TNC: variants seen among roughly 807,000 people sequenced by gnomAD.
The protein encoded by TNC is tenascin.
A neutral mutation model predicts 202.4 loss-of-function variants in TNC; 109 were observed. The observed-to-expected ratio is 0.54, with a 90% confidence interval of 0.46 to 0.63. TNC has a LOEUF of 0.63. Ranked by LOEUF, TNC falls within the 30% of genes least tolerant of loss-of-function variation. The pLI is 0.00. For synonymous variants in TNC, 1,007 were observed against 1,089.7 expected (o/e 0.92, Z 1.50); for missense variants, 2,756 against 2,833.3 (o/e 0.97, Z 0.62).
chr9:115,072,854 C>A (rs1198750166), intron 10 of TNC, among the ~76,000 whole-genome samples: 1 of 152,080 alleles, frequency 6.6e-6, no homozygotes, highest in Non-Finnish European at 1.5e-5. Flanking sequence ...ATTTGGTGGC[C>A]AAAATTGAAT....
chr9:115,086,905 C>T lies in TNC; in HGVS notation c.826G>A (p.Gly276Ser). 2 of 1,614,138 alleles carry T rather than the reference C, an allele frequency of 1.2e-6. No individual in the cohort carries two copies. Among genetic ancestry groups the T allele is most frequent in the Non-Finnish European group, 1.7e-6 (2 of 1,180,048 alleles). Residue 276 changes from glycine (G) to serine (S), a missense_variant, in exon 3 of 28, where the codon GGC (glycine) becomes AGC (serine). Coordinates refer to ENST00000350763, the MANE Select transcript of TNC (RefSeq NM_002160.4). ...CACAGAGGCTTGTTGCAGTCATCGC[C>T]TGCAAAGCCATCGTGGCACACACAC... ...GLCVCHDGFA[G>S]DDCNKPLCLN...
intron 15 of TNC, chr9:115,052,655 A>G: frequency 1.6e-6 from 1 of 625,668 alleles, no homozygotes; most frequent in Non-Finnish European, 2.9e-6. Flanking sequence ...TGCAGTGAAG[A>G]TTGTATTTTT....
chr9:115,038,595 A>T (rs1230621938), intron 19 of TNC, among the ~76,000 whole-genome samples: 1 of 152,192 alleles, frequency 6.6e-6, no homozygotes, highest in Non-Finnish European at 1.5e-5. Context: ...CTATATCCTC[A>T]TGTGTAAAAT....
chr9:115,084,131 G>A (rs1012355232), intron 4 of TNC, 78 bp downstream of exon 4: 9 of 1,468,622 alleles, frequency 6.1e-6, no homozygotes, highest in South Asian at 2.6e-5. Context: ...AGGATTGTAG[G>A]GGCCGTGGCG....
Position 115,036,122 on chromosome 9 carries a change from T to C in TNC, c.5632A>G (p.Thr1878Ala). 1 of 1,614,204 alleles carries C rather than the reference T, an allele frequency of 6.2e-7. No homozygotes were observed. Among genetic ancestry groups the C allele is most frequent in the Non-Finnish European group, 8.5e-7 (1 of 1,180,014 alleles). Reference protein sequence around the residue: ...FAEKGPQKSSTITAKFTTDLD... With the variant: ...FAEKGPQKSSAITAKFTTDLD... ...CCTGTTGTGAACTTGGCAGTGATGG[T>C]TGAGCTCTTCTGGGGCCCTTTCTCT... Residue 1878 changes from threonine to alanine, a missense_variant, in exon 21 of 28, where the codon ACC becomes GCC. Physicochemically the swap from Thr to Ala is moderately conservative, Grantham distance 58. Around this residue, in one of 2 missense-constraint regions of TNC, gnomAD observed 2,559 missense variants for 2,546.0 expected, o/e 1.01. Transcript: ENST00000350763.
At chr9:115,071,243 A>AT (rs1217373263) in intron 10 of TNC, among the ~76,000 whole-genome samples, 3 of 152,118 alleles carry the variant, frequency 2.0e-5, no homozygotes, top group African/African-American at 7.2e-5. Flanking sequence ...AAACATATAT[A>AT]TTTTTTCCTG....
intron 6 of TNC, among the ~76,000 whole-genome samples, chr9:115,081,339 A>G (rs1162901630): frequency 2.0e-5 from 3 of 152,238 alleles, no homozygotes; most frequent in Admixed American, 6.5e-5. Context: ...AACTCCTTTC[A>G]TCAAGAGATG....
At position 115,073,789 on chromosome 9, in the gene TNC, C is replaced by T. The variant is rs1193413780; in HGVS notation, c.3028G>A (p.Ala1010Thr). Residue 1010 changes from alanine to threonine, a missense_variant, in exon 10 of 28, where the codon GCC becomes ACC. Physicochemically the swap from Ala to Thr is moderately conservative, Grantham distance 58 (BLOSUM62 0). Coordinates refer to ENST00000350763, the MANE Select transcript of TNC (RefSeq NM_002160.4). ...TTGAGGCGGTAGCGGTCAAATTTGG[C>T]CAACGGTGTCTTCCAGAGCAGGGTC... ...SLTLLWKTPL[A>T]KFDRYRLNYS... 4 of 1,614,058 alleles carry T rather than the reference C, an allele frequency of 2.5e-6. No individual in the cohort carries two copies. The Admixed American group carries it at 5.0e-5, about 20-fold the overall frequency.
chr9:115,032,017 AT>A (rs1343201185), intron 22 of TNC, among the ~76,000 whole-genome samples: 1 of 152,176 alleles, frequency 6.6e-6, no homozygotes, highest in African/African-American at 2.4e-5. Flanking sequence ...CTGCCAAACT[AT>A]ATTGGGAGAA....
rs377310424 is a variant in TNC, at chr9:115,064,631, G to A, written c.3487+16C>T. Reference sequence around the variant, plus strand: ...CTGGGAAAAACAGAAGCTATAAATAGAAAGGAAAGAGATACCTGTGGAGGC... The same window carrying A: ...CTGGGAAAAACAGAAGCTATAAATAAAAAGGAAAGAGATACCTGTGGAGGC... On this transcript the variant is annotated intron_variant, in intron 11 of 27. Transcript: ENST00000350763. 4.4e-6 allele frequency: 7 copies of A among 1,581,662 alleles called. No individual in the cohort carries two copies. In the Admixed American group the frequency reaches 5.4e-5, roughly 12 times the overall value.
Position 115,028,630 on chromosome 9 carries a change from A to G in TNC, c.6169+730T>C, listed in dbSNP as rs985859186. Among the ~76,000 whole-genome samples, 86 of 151,914 alleles carry G rather than the reference A, an allele frequency of 5.7e-4. 1 individual carries two copies. The highest frequency in any genetic ancestry group is 1.3e-4 in the Non-Finnish European group (9 of 67,990). On this transcript the variant is annotated intron_variant, in intron 25 of 27. Transcript: ENST00000350763. ...ACCCCAATTTAACTCTGCCAATAGG[A>G]AAAAAAATAAACTGAAAGCCGAGTC... is the stretch of plus-strand genomic sequence containing the variant.
At chr9:115,054,958 C>T (rs1263975854) in intron 15 of TNC, among the ~76,000 whole-genome samples, 3 of 152,138 alleles carry the variant, frequency 2.0e-5, no homozygotes, top group African/African-American at 4.8e-5. Context: ...ACTACTGGGT[C>T]CTCTCATGCA....
Position 115,090,904 on chromosome 9 carries a change from C to T in TNC, c.115G>A (p.Ala39Thr), listed in dbSNP as rs143586851. The T allele has an allele frequency of 3.7e-4, 605 of 1,613,998 alleles. 1 individual carries two copies. Among genetic ancestry groups the T allele is most frequent in the Non-Finnish European group, 4.9e-4 (583 of 1,180,018 alleles). The stretch of plus-strand genomic sequence containing the variant: ...GGCTGGTTCTCTTCTGGCAGGGTGG[C>T]GTTCACCCCACTCTGTCGCTTGTGC... The part of the protein sequence containing the change: ...IRHKRQSGVN[A>T]TLPEENQPVV... Residue 39 changes from alanine (A) to threonine (T), a missense_variant, in exon 2 of 28, where the codon GCC (alanine) becomes ACC (threonine). Ala to Thr is a moderately conservative substitution (Grantham distance 58). This residue lies in a region of TNC where 2,559 missense variants were observed against 2,546.0 expected (regional missense o/e 1.01). Transcript: ENST00000350763.
rs773513894 is a variant in TNC, at chr9:115,087,319, C to CAT, written c.458-48_458-47dup. 3 of 1,588,566 alleles carry CAT rather than the reference C, an allele frequency of 1.9e-6. No individual in the cohort carries two copies. In the East Asian group the frequency reaches 6.8e-5, roughly 36 times the overall value. On this transcript the variant is annotated intron_variant, in intron 2 of 27. Coordinates refer to ENST00000350763, the MANE Select transcript of TNC (RefSeq NM_002160.4). ...GTTCTCAGCCAGGCTTAAGCAGCCACATTTTTCTGTATCTACCCAGGGCAC... is the reference window on the plus strand; with the variant it reads ...GTTCTCAGCCAGGCTTAAGCAGCCACATATTTTTCTGTATCTACCCAGGGCAC...
In TNC at chr9:115,034,795, ATG is replaced by A. The variant is rs1296524777; in HGVS notation, c.5787+407_5787+408del. 1.1e-4 allele frequency among the ~76,000 whole-genome samples: 16 copies of A among 152,364 alleles called. 1 individual carries two copies. The highest frequency in any genetic ancestry group is 2.6e-4 in the African/African-American group (11 of 41,588). On this transcript the variant is annotated intron_variant, in intron 22 of 27. Transcript: ENST00000350763. ...TAAATAATATAAACACTGGATAAAA[ATG>A]GTATTAACAGTTGATATCATAAGAA...
intron 20 of TNC, 123 bp from the exon 21 acceptor site, chr9:115,036,364 A>C (rs1484950135): frequency 9.0e-7 from 1 of 1,111,840 alleles, no homozygotes; most frequent in East Asian, 2.4e-5. Context: ...GCGGAAAAGC[A>C]GGTCTGATTT....
At chr9:115,089,193 AGCCT>A (rs1399202275) in intron 2 of TNC, among the ~76,000 whole-genome samples, 1 of 152,222 alleles carries the variant, frequency 6.6e-6, no homozygotes, top group Non-Finnish European at 1.5e-5. Flanking sequence ...AGAAACCTAG[AGCCT>A]GTCCTGCAGA....
rs774386944 is a variant in TNC, at chr9:115,076,557, T to C, written c.2693A>G (p.Asn898Ser). The change falls in exon 8 of 28, where the codon AAT (asparagine) becomes AGT (serine). Residue 898 changes from asparagine to serine, a missense_variant. Asn to Ser is a conservative substitution (Grantham distance 46). Around this residue, in one of 2 missense-constraint regions of TNC, gnomAD observed 2,559 missense variants for 2,546.0 expected, o/e 1.01. Transcript: ENST00000350763. ...ATCTGTCTGGGAAACACGTCGAAGA[T>C]TCCTGGGAGCATCGAGGCCTGTTTG... ...TFTTGLDAPR[N>S]LRRVSQTDNS... The C allele has an allele frequency of 6.2e-7, 1 of 1,614,200 alleles. No individual in the cohort carries two copies. Among genetic ancestry groups the C allele is most frequent in the South Asian group, 1.1e-5 (1 of 91,078 alleles).
At chr9:115,042,503 C>A (rs1830842254) in intron 17 of TNC, among the ~76,000 whole-genome samples, 162 bp from the exon 18 acceptor site, 2 of 152,282 alleles carry the variant, frequency 1.3e-5, no homozygotes, top group East Asian at 3.9e-4. Flanking sequence ...TAAGTTGTGA[C>A]TTGCTAGGAC....
Sources: allele counts gnomAD v4.1 joint callset (sites outside exome capture counted in the v4.1 genomes callset), GRCh38; gene constraint gnomAD v4.1.1; regional missense constraint gnomAD v4.1.1; transcripts MANE v1.5; gene names NCBI Gene and HGNC (gene_info 2026-07-23, HGNC 2026-07-21).